DNAJC15: variants seen among roughly 807,000 people sequenced by gnomAD.
DNAJC15 encodes dnaJ homolog subfamily C member 15.
Under a neutral mutation model 22.4 loss-of-function variants are expected in DNAJC15, and 27 were observed. The observed-to-expected ratio is 1.20, with a 90% CI of 0.89 to 1.66. The LOEUF is 1.66. Ranked by LOEUF, DNAJC15 falls within the 40% of genes most tolerant of loss-of-function variation. The pLI, the probability that DNAJC15 is intolerant of heterozygous loss-of-function variation, is 0.00. For missense variants in DNAJC15, 208 were observed against 187.1 expected (o/e 1.11, Z -0.65); for synonymous variants, 79 against 63.2 (o/e 1.25, Z -1.19).
intron 1 of DNAJC15, among the ~76,000 whole-genome samples, chr13:43,054,254 C>T (rs560657234): frequency 6.6e-6 from 1 of 152,132 alleles, no homozygotes; most frequent in Non-Finnish European, 1.5e-5. Flanking sequence ...ATGAAACCCT[C>T]TTGATCATAG....
chr13:43,040,063 G>T (rs1425269405), intron 1 of DNAJC15, among the ~76,000 whole-genome samples: 1 of 152,146 alleles, frequency 6.6e-6, no homozygotes, highest in African/African-American at 2.4e-5. Context: ...TAGGACTAGT[G>T]AATTAAATAG....
intron 4 of DNAJC15, among the ~76,000 whole-genome samples, chr13:43,085,370 T>TGGGGGGGGG (rs141878965): frequency 2.8e-4 from 12 of 43,214 alleles, no homozygotes; most frequent in Non-Finnish European, 3.4e-4. Context: ...TCTTGGGGGG[T>TGGGGGGGGG]GGGGGGGGAA....
At chr13:43,076,972 A>AT (rs2040636714) in intron 3 of DNAJC15, among the ~76,000 whole-genome samples, 1 of 152,096 alleles carries the variant, frequency 6.6e-6, no homozygotes, top group African/African-American at 2.4e-5. Context: ...TCCTTGACTG[A>AT]TTCCTCTCCA....
At chr13:43,082,896 A>G (rs1005376472) in intron 4 of DNAJC15, among the ~76,000 whole-genome samples, 20 of 151,466 alleles carry the variant, frequency 1.3e-4, no homozygotes, top group African/African-American at 4.9e-4. Context: ...ATGTGTGTAT[A>G]TATATGTGTG....
At position 43,068,017 on chromosome 13, in the gene DNAJC15, A is replaced by G. The variant is rs776425323; in HGVS notation, c.161-913A>G. Among the ~76,000 whole-genome samples the G allele has an allele frequency of 5.7e-4, 87 of 152,168 alleles. 1 individual carries two copies. Among genetic ancestry groups the G allele is most frequent in the Non-Finnish European group, 1.0e-3 (70 of 67,982 alleles). ...CACTGTAACATGTTTGCACAGAATA[A>G]CAGTATACATAGGCAGGTAAATTTT... On this transcript the variant is annotated intron_variant, in intron 2 of 5. Transcript: ENST00000379221.
intron 1 of DNAJC15, among the ~76,000 whole-genome samples, chr13:43,048,504 A>G (rs1171106431): frequency 6.6e-6 from 1 of 152,218 alleles, no homozygotes; most frequent in Non-Finnish European, 1.5e-5. Context: ...AAAATAAACA[A>G]AAAACAAAAA....
intron 5 of DNAJC15, among the ~76,000 whole-genome samples, chr13:43,103,679 C>G (rs1365829684): frequency 3.9e-5 from 6 of 152,210 alleles, no homozygotes; most frequent in Admixed American, 3.9e-4. Flanking sequence ...TGTTATTTAA[C>G]TTCAGTGTTC....
intron 1 of DNAJC15, among the ~76,000 whole-genome samples, chr13:43,026,693 C>T (rs2040382335): frequency 6.6e-6 from 1 of 152,092 alleles, no homozygotes; most frequent in African/African-American, 2.4e-5. Flanking sequence ...TAAAGAAAAA[C>T]TTTCACACTG....
At chr13:43,066,774 C>T (rs1225470231) in intron 2 of DNAJC15, among the ~76,000 whole-genome samples, 1 of 152,164 alleles carries the variant, frequency 6.6e-6, no homozygotes, top group African/African-American at 2.4e-5. Context: ...AGGCGCCAGC[C>T]ACCATGCCCA....
chr13:43,038,687 G>A (rs2040439619), intron 1 of DNAJC15, among the ~76,000 whole-genome samples: 1 of 151,878 alleles, frequency 6.6e-6, no homozygotes, highest in South Asian at 2.1e-4. Context: ...AGCTACTCGG[G>A]AAGCTGAGGC....
At chr13:43,092,844 A>G (rs1478487430) in intron 5 of DNAJC15, among the ~76,000 whole-genome samples, 2 of 152,124 alleles carry the variant, frequency 1.3e-5, no homozygotes, top group African/African-American at 2.4e-5. Context: ...AGCCTGGGAG[A>G]TGGAGGCTAC....
intron 3 of DNAJC15, among the ~76,000 whole-genome samples, chr13:43,069,897 A>G (rs939910114): frequency 3.9e-5 from 6 of 152,072 alleles, no homozygotes; most frequent in African/African-American, 1.2e-4. Flanking sequence ...CTACTAAACT[A>G]CCTACTTTAT....
intron 3 of DNAJC15, among the ~76,000 whole-genome samples, chr13:43,072,965 C>T (rs1219022193): frequency 2.6e-5 from 4 of 152,264 alleles, no homozygotes; most frequent in African/African-American, 2.4e-5. Flanking sequence ...TTTCTAAAGC[C>T]ATTAATTAGC....
intron 1 of DNAJC15, among the ~76,000 whole-genome samples, chr13:43,053,403 G>A (rs60855154): frequency 0.015 from 2,223 of 152,058 alleles, 56 homozygotes; most frequent in African/African-American, 0.048. Context: ...TTTTGGTGCC[G>A]TATGAATTTT....
intron 3 of DNAJC15, among the ~76,000 whole-genome samples, chr13:43,077,702 G>C (rs1018404670): frequency 1.2e-4 from 18 of 152,168 alleles, no homozygotes; most frequent in African/African-American, 4.3e-4. Context: ...CCAGTGTCTG[G>C]GGAGTAAGTC....
chr13:43,067,362 T>C (rs1372145220), intron 2 of DNAJC15, among the ~76,000 whole-genome samples: 1 of 152,224 alleles, frequency 6.6e-6, no homozygotes, highest in Admixed American at 6.5e-5. Context: ...TTATATAACT[T>C]ATACTTAATG....
At position 43,109,208 on chromosome 13, in the gene DNAJC15, A is replaced by T. The variant is rs1261871370; in HGVS notation, c.*1960A>T. ...GCACTTTATTCTTCACATGGTACAT[A>T]ACTATAGGGGCTATAGCTTGGTACC... On this transcript the variant is annotated 3_prime_UTR_variant, in exon 6 of 6. Transcript: ENST00000379221. 2 of 152,228 alleles carry T rather than the reference A, an allele frequency of 1.3e-5. No homozygotes were observed. The highest frequency in any genetic ancestry group is 2.9e-5 in the Non-Finnish European group (2 of 68,056). 9.4% of individuals were successfully genotyped at this position (152,228 alleles called of 1,614,324 possible).
chr13:43,083,020 T>C (rs2040670292), intron 4 of DNAJC15, among the ~76,000 whole-genome samples: 1 of 152,098 alleles, frequency 6.6e-6, no homozygotes, highest in South Asian at 2.1e-4. Flanking sequence ...TTTTTTACTT[T>C]AAAATTATTT....
chr13:43,102,111 A>G (rs2040772191), intron 5 of DNAJC15, among the ~76,000 whole-genome samples: 1 of 152,046 alleles, frequency 6.6e-6, no homozygotes, highest in Non-Finnish European at 1.5e-5. Context: ...TGATTTTTTA[A>G]TTATGGCCAT....
Sources: allele counts gnomAD v4.1 joint callset (sites outside exome capture counted in the v4.1 genomes callset), GRCh38; gene constraint gnomAD v4.1.1; transcripts MANE v1.5; gene names NCBI Gene and HGNC (gene_info 2026-07-23, HGNC 2026-07-21).